Variants in LNPEP observed in about 807,000 individuals in gnomAD.
LNPEP encodes the protein leucyl and cystinyl aminopeptidase, also known as leucyl-cystinyl aminopeptidase.
In LNPEP, 64 loss-of-function variants were observed where a neutral mutation model predicts 120.6. That is an observed-to-expected ratio of 0.53 (90% CI 0.43 to 0.65). The LOEUF is 0.65. Ranked by LOEUF, LNPEP falls within the 30% of genes least tolerant of loss-of-function variation. The pLI is 0.00. For missense variants in LNPEP, 1,057 were observed against 1,200.0 expected, an observed-to-expected ratio of 0.88 and a Z score of 1.76; for synonymous variants, 435 against 425.4, an observed-to-expected ratio of 1.02 and a Z score of -0.28.
chr5:96,954,947 T>C (rs1355055200), intron 1 of LNPEP, among the ~76,000 whole-genome samples: 2 of 149,252 alleles, frequency 1.3e-5, no homozygotes, highest in Non-Finnish European at 3.0e-5. Context: ...CACGCCCGGC[T>C]AATTTTTTGT....
chr5:96,944,330 C>T (rs1789130986), intron 1 of LNPEP, among the ~76,000 whole-genome samples: 1 of 151,984 alleles, frequency 6.6e-6, no homozygotes, highest in African/African-American at 2.4e-5. Context: ...TAATGTGTGA[C>T]CAAGGCCCAA....
At chr5:96,985,993 T>C (rs1206873569) in intron 3 of LNPEP, among the ~76,000 whole-genome samples, 1 of 152,168 alleles carries the variant, frequency 6.6e-6, no homozygotes, top group Non-Finnish European at 1.5e-5. Flanking sequence ...CCTACTTTAA[T>C]TTGTGGTTGG....
rs1180970446 is a variant in LNPEP, at chr5:96,979,967, T to A, written c.849T>A (p.Ser283Arg). 1 of 1,582,634 alleles carries A rather than the reference T, an allele frequency of 6.3e-7. No homozygotes were observed. Among genetic ancestry groups the A allele is most frequent in the African/African-American group, 1.4e-5 (1 of 73,542 alleles). The change falls in exon 2 of 18, where the codon AGT (serine) becomes AGA (arginine). Residue 283 changes from serine to arginine, a missense_variant. Ser to Arg is a moderately radical substitution (Grantham distance 110). Transcript: ENST00000231368. ...GFYGFSYTDE[S>R]NEKKYFAATQ... is the part of the protein sequence containing the mutation. Reference sequence around the variant, plus strand: ...ATGGCTTCTCCTACACAGATGAAAGTAATGAGAAAAAGTAGGTAGCCCTCT... The same window carrying A: ...ATGGCTTCTCCTACACAGATGAAAGAAATGAGAAAAAGTAGGTAGCCCTCT...
Position 97,015,005 on chromosome 5 carries a change from TG to T in LNPEP, c.2287del (p.Ala763HisfsTer30). ...INYLGNENHT[A>X]PITEALFQTD... is the part of the protein sequence containing the mutation. ...ATTATCTTGGAAATGAGAACCATAC[TG>T]CACCCATCACCGAAGCCCTGTTTCA... is the stretch of plus-strand genomic sequence containing the variant. On this transcript the variant is annotated frameshift_variant, in exon 13 of 18. Coordinates refer to ENST00000231368, the MANE Select transcript of LNPEP (RefSeq NM_005575.3). LOFTEE classifies it high-confidence loss of function. 6.2e-7 allele frequency: 1 copy of T among 1,605,072 alleles called. No individual in the cohort carries two copies. Among genetic ancestry groups the T allele is most frequent in the Non-Finnish European group, 8.5e-7 (1 of 1,175,186 alleles).
At chr5:96,988,432 G>A (rs564514782) in intron 4 of LNPEP, among the ~76,000 whole-genome samples, 25 of 146,886 alleles carry the variant, frequency 1.7e-4, no homozygotes, top group African/African-American at 5.3e-4. Flanking sequence ...TCTGCCTCCC[G>A]GGTTCAAGCA....
chr5:97,013,215 T>C (rs1303100834), intron 11 of LNPEP, among the ~76,000 whole-genome samples: 1 of 152,166 alleles, frequency 6.6e-6, no homozygotes, highest in African/African-American at 2.4e-5. Context: ...TGAGGTCTCT[T>C]AGAAGAATGA....
rs1034588195 is a variant in LNPEP at position 96,956,376 on chromosome 5, C to T, written c.19+20202C>T. On this transcript the variant is annotated intron_variant, in intron 1 of 17. Transcript: ENST00000231368. ...TGCCAAAAATACAAAAAATTAGCCA[C>T]GTGTAGTGGCGCACGCCTGTAGTCG... Among the ~76,000 whole-genome samples the T allele has an allele frequency of 5.3e-5, 8 of 152,190 alleles. No homozygotes were observed. The South Asian group carries it at 1.0e-3, about 20-fold the overall frequency.
chr5:96,936,146 C>G lies in LNPEP; in HGVS notation c.-10C>G, dbSNP rs111266067. ...GCGCTCCGGCTGTAAGGAGCCGCGG[C>G]GGGGGGAAAATGGAGCCCTTCACCA... On this transcript the variant is annotated 5_prime_UTR_variant, in exon 1 of 18. Transcript: ENST00000231368. 1.8e-5 allele frequency: 27 copies of G among 1,503,450 alleles called. No individual in the cohort carries two copies. Among genetic ancestry groups the G allele is most frequent in the Non-Finnish European group, 2.4e-5 (27 of 1,127,072 alleles). 93.1% of individuals were successfully genotyped at this position (1,503,450 alleles called of 1,614,324 possible).
chr5:97,022,553 G>T, intron 14 of LNPEP, 69 bp downstream of exon 14: 1 of 1,233,460 alleles, frequency 8.1e-7, no homozygotes, highest in Non-Finnish European at 1.2e-6. Flanking sequence ...CAGTATCCAG[G>T]GTATTCTCAT....
At chr5:96,945,853 G>GA (rs1357655805) in intron 1 of LNPEP, among the ~76,000 whole-genome samples, 4 of 152,162 alleles carry the variant, frequency 2.6e-5, no homozygotes, top group African/African-American at 7.2e-5. Flanking sequence ...CTCTTTAGAG[G>GA]AAAAATTTAT....
At chr5:97,007,096 A>G (rs1443822519) in intron 11 of LNPEP, among the ~76,000 whole-genome samples, 1 of 152,216 alleles carries the variant, frequency 6.6e-6, no homozygotes. Flanking sequence ...ATTTTGGGCC[A>G]TTTGTTAAAT....
chr5:96,945,669 T>C (rs1789170801), intron 1 of LNPEP, among the ~76,000 whole-genome samples: 1 of 152,302 alleles, frequency 6.6e-6, no homozygotes, highest in Non-Finnish European at 1.5e-5. Flanking sequence ...TGTGCCAGAA[T>C]TCCAAAGGGA....
intron 15 of LNPEP, 68 bp from the exon 16 acceptor site, chr5:97,026,549 A>T: frequency 7.8e-7 from 1 of 1,276,852 alleles, no homozygotes; most frequent in Non-Finnish European, 1.1e-6. Context: ...TACTAATTTT[A>T]ATTTAAGTTC....
rs923205952 is a variant in LNPEP, at chr5:97,003,521, A to G, written c.1760A>G (p.Asp587Gly). Residue 587 changes from aspartate (D) to glycine (G), a missense_variant, in exon 9 of 18, where the codon GAT (aspartate) becomes GGT (glycine). Coordinates refer to ENST00000231368, the MANE Select transcript of LNPEP (RefSeq NM_005575.3). Reference sequence around the variant, plus strand: ...CACAGCTATGCATCTATTCAAAGTGATGATCTGTGGGATAGTTTTAATGAG... The same window carrying G: ...CACAGCTATGCATCTATTCAAAGTGGTGATCTGTGGGATAGTTTTAATGAG... ...HNHSYASIQS[D>G]DLWDSFNEVT... The G allele has an allele frequency of 2.5e-6, 4 of 1,605,028 alleles. No individual in the cohort carries two copies. In the Admixed American group the frequency reaches 6.8e-5, roughly 27 times the overall value.
chr5:96,983,012 A>C (rs905895538), intron 2 of LNPEP, among the ~76,000 whole-genome samples: 1 of 152,210 alleles, frequency 6.6e-6, no homozygotes, highest in Non-Finnish European at 1.5e-5. Context: ...TGATTCTAAC[A>C]AAAACCCTGG....
At chr5:97,012,753 C>A (rs1054846180) in intron 11 of LNPEP, among the ~76,000 whole-genome samples, 1 of 152,100 alleles carries the variant, frequency 6.6e-6, no homozygotes, top group East Asian at 1.9e-4. Context: ...TAACTCTCAG[C>A]GCTTCATTAT....
rs1212199727 is a variant in LNPEP, at chr5:97,017,991, G to A, written c.2376+2896G>A. On this transcript the variant is annotated intron_variant, in intron 13 of 17. Coordinates refer to ENST00000231368, the MANE Select transcript of LNPEP (RefSeq NM_005575.3). ...AACACAGTGTTCTCCCTGTGTTTCT[G>A]TGCCCAAATTGCCCCATTCTTAGAT... 7.2e-5 allele frequency among the ~76,000 whole-genome samples: 11 copies of A among 152,172 alleles called. No homozygotes were observed. The East Asian group carries it at 1.7e-3, about 24-fold the overall frequency.
intron 2 of LNPEP, among the ~76,000 whole-genome samples, chr5:96,980,404 G>A (rs1790096171): frequency 6.6e-6 from 1 of 152,116 alleles, no homozygotes; most frequent in African/African-American, 2.4e-5. Context: ...AGTGTGAAGT[G>A]TGGTGTGCTT....
At chr5:96,939,449 C>T (rs1272554096) in intron 1 of LNPEP, among the ~76,000 whole-genome samples, 1 of 151,966 alleles carries the variant, frequency 6.6e-6, no homozygotes, top group South Asian at 2.1e-4. Context: ...TCAAGTGATC[C>T]GCTCACCTTA....
Sources: allele counts gnomAD v4.1 joint callset (sites outside exome capture counted in the v4.1 genomes callset), GRCh38; gene constraint gnomAD v4.1.1; transcripts MANE v1.5; gene names NCBI Gene and HGNC (gene_info 2026-07-23, HGNC 2026-07-21).